Variants in COL8A1 observed in about 807,000 individuals in gnomAD.
The protein encoded by COL8A1 is collagen alpha-1(VIII) chain.
Under a neutral mutation model 42.7 loss-of-function variants are expected in COL8A1, and 21 were observed. That is an observed-to-expected ratio of 0.49 (90% CI 0.35 to 0.71). COL8A1 has a LOEUF of 0.71. COL8A1 is among the 30% of genes least tolerant of loss of function. The pLI, the probability that COL8A1 is intolerant of heterozygous loss-of-function variation, is 0.01. For missense variants in COL8A1, 788 were observed against 962.4 expected, an observed-to-expected ratio of 0.82 and a Z score of 2.40; for synonymous variants, 367 against 369.1, an observed-to-expected ratio of 0.99 and a Z score of 0.06.
At chr3:99,700,808 G>A (rs1046495104) in intron 1 of COL8A1, among the ~76,000 whole-genome samples, 1 of 152,104 alleles carries the variant, frequency 6.6e-6, no homozygotes, top group African/African-American at 2.4e-5. Flanking sequence ...TTGTGTGCAT[G>A]CATGTGTTTG....
intron 2 of COL8A1, among the ~76,000 whole-genome samples, chr3:99,787,626 A>G: frequency 6.6e-6 from 1 of 152,178 alleles, no homozygotes; most frequent in East Asian, 1.9e-4. Context: ...AGGGATGGGC[A>G]GAGATTATAA....
intron 3 of COL8A1, among the ~76,000 whole-genome samples, chr3:99,791,329 G>A (rs1236262600): frequency 6.6e-6 from 1 of 152,070 alleles, no homozygotes; most frequent in Non-Finnish European, 1.5e-5. Flanking sequence ...ACCTATTTGT[G>A]TCAGGCTCTG....
At chr3:99,709,306 G>T (rs1280460538) in intron 1 of COL8A1, among the ~76,000 whole-genome samples, 1 of 152,084 alleles carries the variant, frequency 6.6e-6, no homozygotes, top group Non-Finnish European at 1.5e-5. Flanking sequence ...CATGAAAGTT[G>T]GAGAACGTCT....
intron 1 of COL8A1, among the ~76,000 whole-genome samples, chr3:99,734,629 GC>G (rs1471797306): frequency 3.3e-5 from 5 of 152,014 alleles, no homozygotes; most frequent in Non-Finnish European, 5.9e-5. Context: ...ACTTGGCGAT[GC>G]GGGCTTTTTT....
chr3:99,723,282 T>C (rs1940207592), intron 1 of COL8A1, among the ~76,000 whole-genome samples: 1 of 152,094 alleles, frequency 6.6e-6, no homozygotes, highest in African/African-American at 2.4e-5. Flanking sequence ...ATTCTCTATC[T>C]GAATGTACTT....
intron 1 of COL8A1, among the ~76,000 whole-genome samples, chr3:99,734,371 TAGCC>T (rs1194545538): frequency 2.1e-5 from 3 of 143,742 alleles, no homozygotes; most frequent in African/African-American, 8.2e-5. Context: ...TACATATGGC[TAGCC>T]AGTTTTCCCA....
intron 1 of COL8A1, among the ~76,000 whole-genome samples, chr3:99,702,425 G>C (rs1939567151): frequency 6.6e-6 from 1 of 152,172 alleles, no homozygotes. Context: ...AATTCACTTA[G>C]AGTCTAGTTG....
intron 1 of COL8A1, among the ~76,000 whole-genome samples, chr3:99,689,650 A>G (rs1433310736): frequency 6.6e-6 from 1 of 152,222 alleles, no homozygotes; most frequent in Non-Finnish European, 1.5e-5. Context: ...TAATTCTTCT[A>G]CAACACATTA....
chr3:99,743,980 G>A (rs1940962581), intron 1 of COL8A1, among the ~76,000 whole-genome samples: 1 of 150,788 alleles, frequency 6.6e-6, no homozygotes, highest in African/African-American at 2.4e-5. Context: ...CCAGGCTGGA[G>A]TGCAGTGGCG....
In COL8A1 at chr3:99,797,905, C is replaced by T. The variant is rs551799165; in HGVS notation, c.*1769C>T. On this transcript the variant is annotated 3_prime_UTR_variant, in exon 4 of 4. Transcript: ENST00000652472. ...GCACATACTAACTGCTTTGGGCATT[C>T]TAATCTGGTCTCCAAACACCAAAGA... The T allele has an allele frequency of 2.8e-4, 42 of 152,298 alleles. No individual in the cohort carries two copies. The Middle Eastern group carries it at 0.01, about 37-fold the overall frequency. 9.4% of individuals were successfully genotyped at this position (152,298 alleles called of 1,614,324 possible).
chr3:99,646,164 T>C (rs1306779931), intron 1 of COL8A1, among the ~76,000 whole-genome samples: 1 of 152,144 alleles, frequency 6.6e-6, no homozygotes, highest in East Asian at 1.9e-4. Context: ...TGTTAAGACT[T>C]GAGACACTTG....
At chr3:99,661,582 T>C (rs953210580) in intron 1 of COL8A1, among the ~76,000 whole-genome samples, 1 of 152,040 alleles carries the variant, frequency 6.6e-6, no homozygotes, top group Admixed American at 6.5e-5. Flanking sequence ...AAAATAAAAA[T>C]AGAATTAGCA....
intron 1 of COL8A1, among the ~76,000 whole-genome samples, chr3:99,708,510 C>G (rs1332372209): frequency 6.6e-6 from 1 of 151,972 alleles, no homozygotes; most frequent in East Asian, 1.9e-4. Flanking sequence ...ACCTTCCACC[C>G]GAGGCTGGAG....
At chr3:99,790,556 TC>T in intron 2 of COL8A1, 123 bp from the exon 3 acceptor site, 4 of 723,564 alleles carry the variant, frequency 5.5e-6, no homozygotes, top group Non-Finnish European at 9.1e-6. Flanking sequence ...TCATTTGACT[TC>T]TATCATGAAG....
intron 1 of COL8A1, among the ~76,000 whole-genome samples, chr3:99,663,955 G>T (rs555712031): frequency 3.5e-4 from 53 of 152,186 alleles, no homozygotes; most frequent in Non-Finnish European, 6.0e-4. Flanking sequence ...GCACACAATG[G>T]ACACTCCCTC....
At chr3:99,641,110 G>A (rs1017425432) in intron 1 of COL8A1, among the ~76,000 whole-genome samples, 2 of 152,052 alleles carry the variant, frequency 1.3e-5, no homozygotes, top group African/African-American at 4.8e-5. Flanking sequence ...GAAAACATAT[G>A]CCACTTTATT....
chr3:99,736,327 G>A (rs914992356), intron 1 of COL8A1, among the ~76,000 whole-genome samples: 17 of 152,088 alleles, frequency 1.1e-4, no homozygotes, highest in East Asian at 3.9e-4. Flanking sequence ...CTTTGAATGC[G>A]TCCCAGAGAT....
chr3:99,735,557 A>G (rs1441090238), intron 1 of COL8A1, among the ~76,000 whole-genome samples: 1 of 150,444 alleles, frequency 6.6e-6, no homozygotes, highest in Non-Finnish European at 1.5e-5. Context: ...GTTTGCCAGT[A>G]TTTTATTGAG....
At chr3:99,724,461 C>T (rs1940244541) in intron 1 of COL8A1, among the ~76,000 whole-genome samples, 1 of 152,110 alleles carries the variant, frequency 6.6e-6, no homozygotes. Flanking sequence ...CATTGCCATA[C>T]CAGGCTGTTA....
Sources: allele counts gnomAD v4.1 joint callset (sites outside exome capture counted in the v4.1 genomes callset), GRCh38; gene constraint gnomAD v4.1.1; transcripts MANE v1.5; gene names NCBI Gene and HGNC (gene_info 2026-07-23, HGNC 2026-07-21).